KLHL15: variants seen among roughly 807,000 people sequenced by gnomAD.
KLHL15 encodes kelch like family member 15.
In KLHL15, 1 loss-of-function variant was observed where a neutral mutation model predicts 29.3. That is an observed-to-expected ratio of 0.03 (90% CI 0.01 to 0.16). KLHL15 has a LOEUF of 0.16. Ranked by LOEUF, KLHL15 falls within the 10% of genes least tolerant of loss-of-function variation. The pLI is 1.00. For missense variants in KLHL15, 215 were observed against 478.5 expected (o/e 0.45, Z 5.14); for synonymous variants, 212 against 184.5 (o/e 1.15, Z -1.21).
intron 3 of KLHL15, among the ~76,000 whole-genome samples, chrX:23,997,210 T>TA (rs1238179388): frequency 2.7e-5 from 3 of 112,297 alleles, no homozygotes; most frequent in African/African-American, 9.7e-5. Context: ...AAAAAATACT[T>TA]AAAGAATAAA....
chrX:23,998,881 T>C (rs1010302480), intron 3 of KLHL15, among the ~76,000 whole-genome samples: 17 of 111,304 alleles, frequency 1.5e-4, no homozygotes, highest in African/African-American at 5.6e-4. Context: ...TCCAATTTCT[T>C]AAGAGTTTCC....
intron 2 of KLHL15, among the ~76,000 whole-genome samples, chrX:24,024,103 T>A (rs1320224731): frequency 8.9e-6 from 1 of 112,025 alleles, no homozygotes; most frequent in African/African-American, 3.2e-5. Flanking sequence ...CCTAGAACGA[T>A]GAAAAGCAAA....
intron 3 of KLHL15, among the ~76,000 whole-genome samples, chrX:24,005,145 G>A (rs1421653257): frequency 1.8e-5 from 2 of 111,863 alleles, no homozygotes; most frequent in African/African-American, 6.5e-5. Flanking sequence ...GTAACCATGT[G>A]ATTAGAAACC....
At chrX:24,000,635 C>G (rs1929294604) in intron 3 of KLHL15, among the ~76,000 whole-genome samples, 1 of 112,295 alleles carries the variant, frequency 8.9e-6, no homozygotes, top group African/African-American at 3.2e-5. Context: ...TAGCTGAAGT[C>G]ATTAGATATA....
intron 2 of KLHL15, among the ~76,000 whole-genome samples, chrX:24,012,607 T>A (rs1929598324): frequency 8.9e-6 from 1 of 112,281 alleles, no homozygotes; most frequent in Non-Finnish European, 1.9e-5. Context: ...AATACCTGGA[T>A]AATCTCTGTC....
In KLHL15 at chrX:23,986,534, A is replaced by AG. The variant is rs1928989029; in HGVS notation, c.*1386dup. 1 of 112,068 alleles carries AG rather than the reference A, an allele frequency of 8.9e-6. No individual in the cohort carries two copies. Among genetic ancestry groups the AG allele is most frequent in the South Asian group, 3.6e-4 (1 of 2,748 alleles). The allele number at this position is 112,068 out of a possible 1,213,427, so 9.2% of individuals were successfully genotyped here. ...ACTATGTTTTTTCCTCTGCATTTAA[A>AG]GAGTTGAAAGGTGCAGCTAATCCTA... On this transcript the variant is annotated 3_prime_UTR_variant, in exon 4 of 4. Transcript: ENST00000328046.
At chrX:24,012,047 G>A (rs1044904054) in intron 2 of KLHL15, among the ~76,000 whole-genome samples, 1 of 109,964 alleles carries the variant, frequency 9.1e-6, no homozygotes, top group Admixed American at 9.6e-5. Flanking sequence ...TACTCAGGTC[G>A]GGGGAGGCTG....
chrX:24,010,751 T>G (rs991254862), intron 2 of KLHL15, among the ~76,000 whole-genome samples: 6 of 111,472 alleles, frequency 5.4e-5, no homozygotes, highest in African/African-American at 2.0e-4. Context: ...GGTATTTATA[T>G]GGACCCCGAG....
intron 2 of KLHL15, among the ~76,000 whole-genome samples, chrX:24,014,341 T>C (rs973442459): frequency 1.8e-5 from 2 of 111,660 alleles, no homozygotes; most frequent in Admixed American, 9.6e-5. Context: ...TTGTGTTTCA[T>C]TAATCTGTTA....
At chrX:24,022,643 A>AC (rs1292217455) in intron 2 of KLHL15, among the ~76,000 whole-genome samples, 1 of 109,105 alleles carries the variant, frequency 9.2e-6, no homozygotes, top group African/African-American at 3.3e-5. Flanking sequence ...TTGTCTTAAA[A>AC]AAAAAAAAAA....
In KLHL15 at chrX:23,984,272, C is replaced by G. The variant is rs1202931878; in HGVS notation, c.*3649G>C. 1 of 111,816 alleles carries G rather than the reference C, an allele frequency of 8.9e-6. No homozygotes were observed. The highest frequency in any genetic ancestry group is 1.9e-5 in the Non-Finnish European group (1 of 53,121). The allele number at this position is 111,816 out of a possible 1,213,427, so 9.2% of individuals were successfully genotyped here. Reference sequence around the variant, plus strand: ...ATGAATTTATCTATTCCAGTCTATGCCTACTGAATATTTGACTTTATAAAC... The same window carrying G: ...ATGAATTTATCTATTCCAGTCTATGGCTACTGAATATTTGACTTTATAAAC... On this transcript the variant is annotated 3_prime_UTR_variant, in exon 4 of 4. Transcript: ENST00000328046.
chrX:24,008,712 G>A (rs1317198830), intron 2 of KLHL15, among the ~76,000 whole-genome samples: 1 of 108,823 alleles, frequency 9.2e-6, no homozygotes, highest in East Asian at 2.9e-4. Context: ...ACTGTGCCCT[G>A]TGGAACCTTA....
intron 2 of KLHL15, among the ~76,000 whole-genome samples, chrX:24,022,947 T>A (rs1284663495): frequency 9.0e-6 from 1 of 110,686 alleles, no homozygotes; most frequent in African/African-American, 3.3e-5. Context: ...TTGGTTAGGC[T>A]GGTCTCAAAC....
At chrX:24,005,073 C>G (rs1473800377) in intron 3 of KLHL15, among the ~76,000 whole-genome samples, 2 of 111,204 alleles carry the variant, frequency 1.8e-5, no homozygotes, top group East Asian at 5.6e-4. Flanking sequence ...AGTGACCGAC[C>G]AAGTTTTCAG....
At chrX:24,024,826 C>T in intron 2 of KLHL15, 31 bp downstream of exon 2, 1 of 294,827 alleles carries the variant, frequency 3.4e-6, no homozygotes, top group East Asian at 4.8e-5. Flanking sequence ...GCCCGGGCTC[C>T]GCAGGCCGGC....
chrX:23,988,120 A>G lies in KLHL15; in HGVS notation c.1616T>C (p.Val539Ala). 1 of 1,211,585 alleles carries G rather than the reference A, an allele frequency of 8.3e-7. No individual in the cohort carries two copies. The highest frequency in any genetic ancestry group is 3.0e-5 in the East Asian group (1 of 33,866). The change falls in exon 4 of 4, where the codon GTG becomes GCG. Residue 539 changes from valine to alanine, a missense_variant. Coordinates refer to ENST00000328046, the MANE Select transcript of KLHL15 (RefSeq NM_030624.3). ...AAGAACCATTATTTGTTTGTCCAGC[A>G]CAGTCACACCATGGCCACTTCTACC... ...PIGRSGHGVTVLDKQIMVLGG... is the reference protein window; with the variant it reads ...PIGRSGHGVTALDKQIMVLGG...
At chrX:24,006,744 T>A in intron 2 of KLHL15, 44 bp from the exon 3 acceptor site, 1 of 969,341 alleles carries the variant, frequency 1.0e-6, no homozygotes, top group Admixed American at 3.6e-5. Flanking sequence ...CTTCCATGCA[T>A]TCAGAAGAAA....
rs958902418 is a variant in KLHL15 at position 23,988,339 on chromosome X, T to C, written c.1397A>G (p.Asn466Ser). 31 of 1,211,801 alleles carry C rather than the reference T, an allele frequency of 2.6e-5. No homozygotes were observed. Among genetic ancestry groups the C allele is most frequent in the Middle Eastern group, 2.3e-4 (1 of 4,354 alleles). ...QRTRRTQVVTNCWENKSKMNY... is the reference protein window; with the variant it reads ...QRTRRTQVVTSCWENKSKMNY... ...CATCTTGCTCTTATTCTCCCAACAG[T>C]TGGTAACCACTTGAGTTCTCCTGGT... The change falls in exon 4 of 4, where the codon AAC becomes AGC. Residue 466 changes from asparagine (N) to serine (S), a missense_variant. Physicochemically the swap from Asn to Ser is conservative, Grantham distance 46 (BLOSUM62 1). Coordinates refer to ENST00000328046, the MANE Select transcript of KLHL15 (RefSeq NM_030624.3).
chrX:24,024,326 A>C (rs777946021), intron 2 of KLHL15, among the ~76,000 whole-genome samples: 1 of 112,134 alleles, frequency 8.9e-6, no homozygotes, highest in Admixed American at 9.5e-5. Flanking sequence ...ACTCTACCAA[A>C]GGTTACTTAA....
Sources: gnomAD v4.1 joint callset for allele counts (sites outside exome capture counted in the v4.1 genomes callset) on GRCh38, gnomAD v4.1.1 for gene constraint, MANE v1.5 for transcripts, NCBI Gene and HGNC (gene_info 2026-07-23, HGNC 2026-07-21) for gene names.